The following NBEAL1 variants were observed in gnomAD, a reference collection of about 807,000 sequenced individuals.
NBEAL1 encodes neurobeachin-like protein 1.
A neutral mutation model predicts 351.3 loss-of-function variants in NBEAL1; 273 were observed. The observed-to-expected ratio is 0.78, with a 90% CI of 0.70 to 0.86. NBEAL1 has a LOEUF of 0.86. Ranked by LOEUF, NBEAL1 falls within the 40% of genes least tolerant of loss-of-function variation. The pLI is 0.00. For synonymous variants in NBEAL1, 1,050 were observed against 1,086.4 expected (o/e 0.97, Z 0.66); for missense variants, 2,961 against 3,201.3 (o/e 0.92, Z 1.81).
At chr2:203,126,153 G>T in intron 21 of NBEAL1, 60 bp downstream of exon 21, 2 of 1,420,168 alleles carry the variant, frequency 1.4e-6, no homozygotes, top group Admixed American at 3.0e-5. Flanking sequence ...GTTGATGTTG[G>T]GATTTTTTCT....
chr2:203,041,611 C>T (rs2061142275), intron 2 of NBEAL1, among the ~76,000 whole-genome samples, 154 bp from the exon 3 acceptor site: 1 of 152,166 alleles, frequency 6.6e-6, no homozygotes, highest in Non-Finnish European at 1.5e-5. Context: ...GTTCCATATA[C>T]TTAATGTACA....
rs2065913854 is a variant in NBEAL1, at chr2:203,217,859, C to A, written c.*505C>A. The A allele has an allele frequency of 1.0e-6, 1 of 984,964 alleles. No homozygotes were observed. The highest frequency in any genetic ancestry group is 1.7e-5 in the African/African-American group (1 of 57,192). The allele number at this position is 984,964 out of a possible 1,614,324, so 61.0% of individuals were successfully genotyped here. A position where few individuals can be genotyped will look rare whatever the true frequency, so the allele number is the denominator to read the frequency against. Reference sequence around the variant, plus strand: ...AAACTCGGTGAAAGTTACAAGTTTGCATGGTAAGAATAAAATAAGAATATT... The same window carrying A: ...AAACTCGGTGAAAGTTACAAGTTTGAATGGTAAGAATAAAATAAGAATATT... On this transcript the variant is annotated 3_prime_UTR_variant, in exon 56 of 56. Coordinates refer to ENST00000683969, the MANE Select transcript of NBEAL1 (RefSeq NM_001378026.1).
chr2:203,212,898 G>A (rs2065825459), intron 54 of NBEAL1, among the ~76,000 whole-genome samples: 1 of 152,184 alleles, frequency 6.6e-6, no homozygotes, highest in African/African-American at 2.4e-5. Context: ...GTACTGTGCT[G>A]CATTTCAGGG....
intron 35 of NBEAL1, among the ~76,000 whole-genome samples, chr2:203,153,180 T>G (rs564671076): frequency 5.1e-4 from 78 of 152,276 alleles, no homozygotes; most frequent in African/African-American, 1.8e-3. Context: ...TTGACCAAGC[T>G]AGATTGCAGA....
rs754341766 is a variant in NBEAL1 at position 203,166,268 on chromosome 2, T to G, written c.5834T>G (p.Phe1945Cys). The G allele has an allele frequency of 6.2e-7, 1 of 1,606,836 alleles. No homozygotes were observed. Among genetic ancestry groups the G allele is most frequent in the Non-Finnish European group, 8.5e-7 (1 of 1,178,368 alleles). Residue 1945 changes from phenylalanine (F) to cysteine (C), a missense_variant, in exon 37 of 56, where the codon TTC (phenylalanine) becomes TGC (cysteine). Coordinates refer to ENST00000683969, the MANE Select transcript of NBEAL1 (RefSeq NM_001378026.1). ...GAAATCACTACTCAACACATTTACT[T>G]CTATGATGGCAGCATTGAAAAAGAA... ...RLEITTQHIY[F>C]YDGSIEKEDG...
intron 12 of NBEAL1, among the ~76,000 whole-genome samples, chr2:203,101,916 C>T (rs866724171): frequency 6.6e-6 from 1 of 152,166 alleles, no homozygotes; most frequent in South Asian, 2.1e-4. Flanking sequence ...GTTATTTTAA[C>T]AGTATTGATT....
chr2:203,041,353 A>G (rs2061137800), intron 2 of NBEAL1, among the ~76,000 whole-genome samples: 1 of 152,038 alleles, frequency 6.6e-6, no homozygotes, highest in Non-Finnish European at 1.5e-5. Context: ...AGTTGTCCAG[A>G]AAAAAAAGAT....
intron 41 of NBEAL1, among the ~76,000 whole-genome samples, chr2:203,173,957 T>TTATAATAA (rs1470430985): frequency 6.6e-6 from 1 of 151,962 alleles, no homozygotes; most frequent in Non-Finnish European, 1.5e-5. Flanking sequence ...TTATTCTTAT[T>TTATAATAA]TAGATTTTAT....
chr2:203,087,285 GT>G (rs1314315927), intron 10 of NBEAL1, among the ~76,000 whole-genome samples: 1 of 151,234 alleles, frequency 6.6e-6, no homozygotes, highest in African/African-American at 2.4e-5. Flanking sequence ...TAGAGATGGG[GT>G]TTCACCACCT....
At chr2:203,086,318 G>C (rs1380960841) in intron 10 of NBEAL1, 1 of 151,986 alleles carries the variant, frequency 6.6e-6, no homozygotes, top group Non-Finnish European at 1.5e-5. Flanking sequence ...AAAAATACTG[G>C]CATTCCCTGT....
chr2:203,112,773 A>C (rs1441846843), intron 16 of NBEAL1, among the ~76,000 whole-genome samples: 1 of 152,226 alleles, frequency 6.6e-6, no homozygotes, highest in Admixed American at 6.5e-5. Context: ...ATTACCAAAG[A>C]ATATAAAATA....
chr2:203,213,078 C>G (rs140367421), intron 54 of NBEAL1, among the ~76,000 whole-genome samples: 57 of 152,266 alleles, frequency 3.7e-4, no homozygotes, highest in Non-Finnish European at 4.6e-4. Context: ...CTTACTTTGT[C>G]TCTCACCTTC....
chr2:203,044,584 C>G (rs541768674), intron 3 of NBEAL1, among the ~76,000 whole-genome samples: 6 of 152,142 alleles, frequency 3.9e-5, no homozygotes, highest in African/African-American at 1.4e-4. Context: ...TGAAGAACGC[C>G]AAGAGCATTG....
At chr2:203,061,377 C>G (rs1265786705) in intron 6 of NBEAL1, 1 of 152,116 alleles carries the variant, frequency 6.6e-6, no homozygotes, top group Non-Finnish European at 1.5e-5. Flanking sequence ...AAGTCTTTAC[C>G]ACATTTCTTA....
At position 203,067,604 on chromosome 2, in the gene NBEAL1, G is replaced by A. The variant is rs138241936; in HGVS notation, c.516-789G>A. ...CTTTATCAGTACATCATATTTAGAC[G>A]TACAGAATTTCTATGTGGCTGTCCT... is the stretch of plus-strand genomic sequence containing the variant. On this transcript the variant is annotated intron_variant, in intron 6 of 55. Transcript: ENST00000683969. 8.1e-4 allele frequency among the ~76,000 whole-genome samples: 123 copies of A among 152,130 alleles called. No individual in the cohort carries two copies. The East Asian group carries it at 0.022, about 28-fold the overall frequency.
intron 18 of NBEAL1, among the ~76,000 whole-genome samples, chr2:203,119,261 G>GGGCTCAA (rs1316904480): frequency 6.6e-6 from 1 of 150,734 alleles, no homozygotes; most frequent in Non-Finnish European, 1.5e-5. Flanking sequence ...TCATCCTCCT[G>GGGCTCAA]GGCTCAAGCA....
chr2:203,047,618 G>T (rs547083354), intron 3 of NBEAL1, among the ~76,000 whole-genome samples: 6 of 152,036 alleles, frequency 3.9e-5, no homozygotes, highest in Non-Finnish European at 7.4e-5. Context: ...AATGCCTTCT[G>T]TGGCAGCACA....
intron 31 of NBEAL1, among the ~76,000 whole-genome samples, chr2:203,143,102 G>T (rs1276444992): frequency 6.6e-6 from 1 of 152,114 alleles, no homozygotes; most frequent in Non-Finnish European, 1.5e-5. Flanking sequence ...ATTTATTTGG[G>T]AAGTAATATA....
At chr2:203,081,057 T>C (rs1389098085) in intron 8 of NBEAL1, among the ~76,000 whole-genome samples, 2 of 152,330 alleles carry the variant, frequency 1.3e-5, no homozygotes, top group East Asian at 3.9e-4. Context: ...TATTATTTTA[T>C]GTACCAAAAA....
Sources: allele counts gnomAD v4.1 joint callset (sites outside exome capture counted in the v4.1 genomes callset), GRCh38; gene constraint gnomAD v4.1.1; transcripts MANE v1.5; gene names NCBI Gene and HGNC (gene_info 2026-07-23, HGNC 2026-07-21).